CDH12: variants seen among roughly 807,000 people sequenced by gnomAD.
The protein encoded by CDH12 is cadherin-12.
In CDH12, 41 loss-of-function variants were observed where a neutral mutation model predicts 74.1. The ratio of observed to expected loss-of-function variants is 0.55; its 90% CI spans 0.43 to 0.72. CDH12 has a LOEUF of 0.72. Among genes scored for constraint, CDH12 ranks in the 30% least tolerant of loss-of-function variants. The probability of loss-of-function intolerance (pLI) is 0.00; values close to 1 mark genes in which losing one functional copy is unlikely to be tolerated. For synonymous variants in CDH12, 399 were observed against 355.0 expected (o/e 1.12, Z -1.39); for missense variants, 945 against 977.2 (o/e 0.97, Z 0.44).
intron 1 of CDH12, among the ~76,000 whole-genome samples, chr5:22,637,906 T>C (rs1738926286): frequency 6.6e-6 from 1 of 152,220 alleles, no homozygotes; most frequent in Admixed American, 6.5e-5. Context: ...TTGTTGCTGT[T>C]TCTTTTTCTT....
intron 3 of CDH12, among the ~76,000 whole-genome samples, chr5:22,345,080 T>C (rs1290784058): frequency 6.6e-6 from 1 of 152,216 alleles, no homozygotes; most frequent in Non-Finnish European, 1.5e-5. Context: ...AAACACAATG[T>C]CTTAAACTTA....
chr5:22,386,728 T>C (rs988057044), intron 3 of CDH12, among the ~76,000 whole-genome samples: 1 of 152,056 alleles, frequency 6.6e-6, no homozygotes, highest in African/African-American at 2.4e-5. Context: ...TTTTGTCTAT[T>C]GTTCATTAAG....
rs35930938 is a variant in CDH12 at position 22,585,719 on chromosome 5, A to AT, written c.-522-80356dup. On this transcript the variant is annotated intron_variant, in intron 1 of 14. Transcript: ENST00000382254. ...AACCCGTCCAGTGACATTTTACTAC[A>AT]TTTTTTTTTTAAAGTTTAATTTTGT... Among the ~76,000 whole-genome samples, 201 of 146,872 alleles carry AT rather than the reference A, an allele frequency of 1.4e-3. 1 individual carries two copies. The highest frequency in any genetic ancestry group is 4.4e-3 in the Admixed American group (66 of 14,834).
rs529241454 is a variant in CDH12 at position 21,982,484 on chromosome 5, G to A, written c.232-7099C>T. On this transcript the variant is annotated intron_variant, in intron 5 of 14. Transcript: ENST00000382254. ...TGATATATATATACCTATATAGAGA[G>A]ATATATCTATATAGATATCTATACC... Among the ~76,000 whole-genome samples the A allele has an allele frequency of 6.6e-5, 10 of 151,130 alleles. No individual in the cohort carries two copies. The South Asian group carries it at 1.5e-3, about 22-fold the overall frequency.
chr5:22,587,476 T>C (rs1740461877), intron 1 of CDH12, among the ~76,000 whole-genome samples: 1 of 152,220 alleles, frequency 6.6e-6, no homozygotes, highest in East Asian at 1.9e-4. Flanking sequence ...TTTAATTTCA[T>C]CAAGGGCTAG....
chr5:22,776,213 G>T (rs1747094502), intron 1 of CDH12, among the ~76,000 whole-genome samples: 1 of 152,068 alleles, frequency 6.6e-6, no homozygotes, highest in Non-Finnish European at 1.5e-5. Flanking sequence ...TAATTACATA[G>T]TAAACTTGCA....
chr5:21,905,048 A>G (rs1011044952), intron 6 of CDH12, among the ~76,000 whole-genome samples: 1 of 152,194 alleles, frequency 6.6e-6, no homozygotes, highest in Non-Finnish European at 1.5e-5. Context: ...TAGCCATTGC[A>G]ATGTGTACTT....
At chr5:21,935,022 G>C (rs964809040) in intron 6 of CDH12, among the ~76,000 whole-genome samples, 2 of 152,040 alleles carry the variant, frequency 1.3e-5, no homozygotes, top group Non-Finnish European at 2.9e-5. Flanking sequence ...TCCTGACTTC[G>C]TGATCCGCCC....
At chr5:21,895,263 T>A (rs775619550) in intron 6 of CDH12, among the ~76,000 whole-genome samples, 1 of 152,120 alleles carries the variant, frequency 6.6e-6, no homozygotes, top group Non-Finnish European at 1.5e-5. Context: ...ACATACCCCA[T>A]GTTTAGAGGT....
At chr5:22,290,131 C>T (rs976949962) in intron 3 of CDH12, among the ~76,000 whole-genome samples, 2 of 152,072 alleles carry the variant, frequency 1.3e-5, no homozygotes, top group Non-Finnish European at 2.9e-5. Flanking sequence ...AGTGCCATGC[C>T]TGCTACAAAG....
chr5:21,922,713 T>C (rs535006496), intron 6 of CDH12, among the ~76,000 whole-genome samples: 1 of 152,244 alleles, frequency 6.6e-6, no homozygotes, highest in South Asian at 2.1e-4. Context: ...CAATTCACCC[T>C]ATTCCCTTAT....
intron 1 of CDH12, among the ~76,000 whole-genome samples, chr5:22,510,496 C>T (rs1736556722): frequency 6.6e-6 from 1 of 152,144 alleles, no homozygotes; most frequent in East Asian, 1.9e-4. Context: ...TAGGAAAAAC[C>T]CACCATGCAG....
At position 22,435,420 on chromosome 5, in the gene CDH12, G is replaced by GTGTGTATATATACGTATA. The variant is rs1157827477; in HGVS notation, c.-427-30087_-427-30070dup. Among the ~76,000 whole-genome samples the GTGTGTATATATACGTATA allele has an allele frequency of 4.6e-5, 7 of 151,354 alleles. No individual in the cohort carries two copies. The South Asian group carries it at 1.5e-3, about 32-fold the overall frequency. ...TATATATATACACACACATATATAT[G>GTGTGTATATATACGTATA]TGTGTATATATACGTATATATGTAT... On this transcript the variant is annotated intron_variant, in intron 2 of 14. Transcript: ENST00000382254.
intron 2 of CDH12, among the ~76,000 whole-genome samples, chr5:22,435,986 C>A (rs1307581330): frequency 6.6e-6 from 1 of 151,718 alleles, no homozygotes; most frequent in Non-Finnish European, 1.5e-5. Flanking sequence ...TATTGCAGCA[C>A]TACTCACAAT....
At chr5:22,379,480 TA>T (rs1371136615) in intron 3 of CDH12, among the ~76,000 whole-genome samples, 2 of 152,150 alleles carry the variant, frequency 1.3e-5, no homozygotes, top group Non-Finnish European at 2.9e-5. Context: ...TTCACACGAT[TA>T]AATGACTCAT....
intron 3 of CDH12, among the ~76,000 whole-genome samples, chr5:22,397,504 A>G (rs1742508492): frequency 6.6e-6 from 1 of 151,454 alleles, no homozygotes; most frequent in Non-Finnish European, 1.5e-5. Context: ...AAGTAACAGA[A>G]CACGTATCAT....
chr5:22,782,103 G>A (rs1747413669), intron 1 of CDH12, among the ~76,000 whole-genome samples: 2 of 152,122 alleles, frequency 1.3e-5, no homozygotes, highest in Non-Finnish European at 2.9e-5. Flanking sequence ...TAGGCAGAAG[G>A]GACTCACCTT....
intron 6 of CDH12, among the ~76,000 whole-genome samples, chr5:21,897,897 C>T: frequency 6.6e-6 from 1 of 151,976 alleles, no homozygotes; most frequent in East Asian, 1.9e-4. Context: ...AATTATATTA[C>T]AGAACACAAT....
intron 1 of CDH12, among the ~76,000 whole-genome samples, chr5:22,651,719 T>C (rs1382680842): frequency 2.0e-5 from 3 of 150,432 alleles, no homozygotes; most frequent in African/African-American, 4.9e-5. Context: ...TTTTTCAGAG[T>C]AATAAAATGT....
Sources: gnomAD v4.1 joint callset for allele counts (sites outside exome capture counted in the v4.1 genomes callset) on GRCh38, gnomAD v4.1.1 for gene constraint, MANE v1.5 for transcripts, NCBI Gene and HGNC (gene_info 2026-07-23, HGNC 2026-07-21) for gene names.